Variants in ANKRD30A observed in about 807,000 individuals in gnomAD.
ANKRD30A encodes the protein ankyrin repeat domain-containing protein 30A.
ANKRD30A carries 170 observed loss-of-function variants against 166.3 expected under a neutral mutation model. The observed-to-expected ratio is 1.02, with a 90% CI of 0.90 to 1.16. The LOEUF is 1.16. Among genes scored for constraint, ANKRD30A ranks in the 50% most tolerant of loss-of-function variants. The pLI is 0.00. For missense variants in ANKRD30A, 1,630 were observed against 1,518.0 expected, an observed-to-expected ratio of 1.07 and a Z score of -1.23; for synonymous variants, 564 against 508.9, an observed-to-expected ratio of 1.11 and a Z score of -1.46.
chr10:37,196,466 A>G (rs868396057), intron 27 of ANKRD30A, among the ~76,000 whole-genome samples: 1 of 152,190 alleles, frequency 6.6e-6, no homozygotes, highest in South Asian at 2.1e-4. Flanking sequence ...ATAAAAATTT[A>G]TTATAGACTA....
the ANKRD30A span, among the ~76,000 whole-genome samples, chr10:37,264,175 C>T: frequency 2.0e-4 from 31 of 152,160 alleles, no homozygotes; most frequent in African/African-American, 7.0e-4. Flanking sequence ...CAGCCACTCT[C>T]TCACCAGATT....
chr10:37,208,025 G>A (rs190206499), intron 31 of ANKRD30A, among the ~76,000 whole-genome samples: 35 of 152,184 alleles, frequency 2.3e-4, no homozygotes, highest in African/African-American at 8.4e-4. Flanking sequence ...CAGACATAGT[G>A]TGTTTTTTGT....
intron 31 of ANKRD30A, among the ~76,000 whole-genome samples, chr10:37,208,110 G>C (rs956080024): frequency 6.6e-6 from 1 of 152,108 alleles, no homozygotes; most frequent in African/African-American, 2.4e-5. Context: ...TCTTAGGTCA[G>C]GGTTTTGATA....
chr10:37,129,507 C>G (rs1437441413), intron 1 of ANKRD30A, among the ~76,000 whole-genome samples: 1 of 152,158 alleles, frequency 6.6e-6, no homozygotes, highest in Non-Finnish European at 1.5e-5. Flanking sequence ...AGGAACTCTT[C>G]AAAATACTTT....
At chr10:37,258,543 A>G in the ANKRD30A span, among the ~76,000 whole-genome samples, 1 of 152,058 alleles carries the variant, frequency 6.6e-6, no homozygotes, top group African/African-American at 2.4e-5. Context: ...ATGTTAGTAG[A>G]TCACTTGGAT....
chr10:37,165,179 TA>T, intron 18 of ANKRD30A, 24 bp downstream of exon 18: 2 of 1,571,696 alleles, frequency 1.3e-6, no homozygotes, highest in Non-Finnish European at 8.8e-7. Flanking sequence ...TTGATTTTTT[TA>T]AATATTAGTA....
the ANKRD30A span, among the ~76,000 whole-genome samples, chr10:37,249,934 G>A: frequency 2.0e-5 from 3 of 152,198 alleles, no homozygotes; most frequent in African/African-American, 4.8e-5. Context: ...AAAACTACTG[G>A]CAGAGATTCC....
intron 25 of ANKRD30A, among the ~76,000 whole-genome samples, chr10:37,191,557 A>G (rs1588885748): frequency 6.6e-6 from 1 of 152,032 alleles, no homozygotes; most frequent in Non-Finnish European, 1.5e-5. Flanking sequence ...GTGATTCCAG[A>G]TCAGTTTTCT....
chr10:37,244,608 A>G, the ANKRD30A span, among the ~76,000 whole-genome samples: 2 of 152,186 alleles, frequency 1.3e-5, no homozygotes, highest in African/African-American at 4.8e-5. Context: ...GGACTTCAGC[A>G]TCCTTCATCA....
chr10:37,201,918 A>T (rs1841649879), intron 31 of ANKRD30A, among the ~76,000 whole-genome samples: 1 of 152,090 alleles, frequency 6.6e-6, no homozygotes, highest in South Asian at 2.1e-4. Flanking sequence ...AATTTGTCAT[A>T]TACACTCCGT....
intron 25 of ANKRD30A, among the ~76,000 whole-genome samples, chr10:37,191,482 A>T (rs11011059): frequency 6.6e-6 from 1 of 152,000 alleles, no homozygotes; most frequent in East Asian, 1.9e-4. Flanking sequence ...TGCCTTAAAG[A>T]CACATGGTGT....
At chr10:37,218,941 T>C in intron 33 of ANKRD30A, 39 bp from the exon 34 acceptor site, 1 of 1,335,876 alleles carries the variant, frequency 7.5e-7, no homozygotes, top group Non-Finnish European at 1.0e-6. Context: ...TATGCCATTT[T>C]ATTGAGTGCT....
rs1462332192 is a variant in ANKRD30A, at chr10:37,218,960, GTTTAT to G, written c.3268-16_3268-12del. ...CCATTTTATTGAGTGCTAGCTAAAA[GTTTAT>G]TTTGTTTTATTTAGGTTTCTCACAC... On this transcript the variant is annotated splice_polypyrimidine_tract_variant and intron_variant, in intron 33 of 35. Coordinates refer to ENST00000361713, the MANE Select transcript of ANKRD30A (RefSeq NM_052997.3). The G allele has an allele frequency of 8.0e-6, 12 of 1,504,352 alleles. No homozygotes were observed. Among genetic ancestry groups the G allele is most frequent in the African/African-American group, 2.8e-5 (2 of 70,660 alleles). 93.2% of individuals were successfully genotyped at this position (1,504,352 alleles called of 1,614,324 possible).
At chr10:37,248,454 C>T in the ANKRD30A span, among the ~76,000 whole-genome samples, 51 of 152,248 alleles carry the variant, frequency 3.3e-4, no homozygotes, top group African/African-American at 1.2e-3. Flanking sequence ...GGTATGTTCT[C>T]CAGTTCCAGT....
At position 37,196,730 on chromosome 10, in the gene ANKRD30A, A is replaced by C. The variant is rs568956144; in HGVS notation, c.2615-551A>C. Among the ~76,000 whole-genome samples the C allele has an allele frequency of 3.9e-5, 6 of 152,288 alleles. No individual in the cohort carries two copies. In the East Asian group the frequency reaches 1.2e-3, roughly 29 times the overall value. ...CAAGAAGCATTCAGATGAATAAAGC[A>C]GAGGATACAGAAATATAGGCATATG... On this transcript the variant is annotated intron_variant, in intron 27 of 35. Transcript: ENST00000361713.
At chr10:37,224,475 T>C (rs1588957251) in intron 34 of ANKRD30A, among the ~76,000 whole-genome samples, 1 of 147,852 alleles carries the variant, frequency 6.8e-6, no homozygotes, top group African/African-American at 2.4e-5. Context: ...CACACACACG[T>C]GTATATATAC....
intron 11 of ANKRD30A, among the ~76,000 whole-genome samples, chr10:37,151,098 G>A (rs1009553109): frequency 1.3e-5 from 2 of 149,494 alleles, no homozygotes; most frequent in Non-Finnish European, 1.5e-5. Flanking sequence ...TGAAAACCAG[G>A]TATACAGTTG....
chr10:37,242,639 CT>C, the ANKRD30A span, among the ~76,000 whole-genome samples: 1 of 152,164 alleles, frequency 6.6e-6, no homozygotes, highest in Non-Finnish European at 1.5e-5. Context: ...CATTGGAGCA[CT>C]TATGGCGTCA....
the ANKRD30A span, among the ~76,000 whole-genome samples, chr10:37,246,327 CT>C: frequency 6.6e-6 from 1 of 152,194 alleles, no homozygotes; most frequent in African/African-American, 2.4e-5. Context: ...TCTTGTTAAT[CT>C]AACCTTGCAT....
Sources: allele counts gnomAD v4.1 joint callset (sites outside exome capture counted in the v4.1 genomes callset), GRCh38; gene constraint gnomAD v4.1.1; transcripts MANE v1.5; gene names NCBI Gene and HGNC (gene_info 2026-07-23, HGNC 2026-07-21).